Variants in WDR48 observed in about 807,000 individuals in gnomAD.
The protein encoded by WDR48 is WD repeat-containing protein 48.
In WDR48, 22 loss-of-function variants were observed where a neutral mutation model predicts 94.0. The ratio of observed to expected loss-of-function variants is 0.23; its 90% CI spans 0.17 to 0.33. WDR48 has a LOEUF of 0.33. Ranked by LOEUF, WDR48 falls within the 10% of genes least tolerant of loss-of-function variation. WDR48 has a pLI of 1.00. For synonymous variants in WDR48, 278 were observed against 280.5 expected (o/e 0.99, Z 0.09); for missense variants, 541 against 813.8 (o/e 0.66, Z 4.08).
Position 39,094,877 on chromosome 3 carries a change from T to G in WDR48, c.*134T>G. The G allele has an allele frequency of 1.8e-6, 2 of 1,139,382 alleles. No individual in the cohort carries two copies. Among genetic ancestry groups the G allele is most frequent in the Non-Finnish European group, 2.5e-6 (2 of 802,740 alleles). 70.6% of individuals were successfully genotyped at this position (1,139,382 alleles called of 1,614,324 possible). Reference sequence around the variant, plus strand: ...GATTGGTATGGACCGAGATTATCTTTCAATTGAAGTGACTAATCGAGATGT... The same window carrying G: ...GATTGGTATGGACCGAGATTATCTTGCAATTGAAGTGACTAATCGAGATGT... On this transcript the variant is annotated 3_prime_UTR_variant, in exon 19 of 19. Coordinates refer to ENST00000302313, the MANE Select transcript of WDR48 (RefSeq NM_020839.4).
intron 2 of WDR48, among the ~76,000 whole-genome samples, chr3:39,064,825 T>G (rs2033502280): frequency 6.6e-6 from 1 of 152,216 alleles, no homozygotes; most frequent in South Asian, 2.1e-4. Context: ...CATGCAGTGG[T>G]GGCCAAATGT....
chr3:39,088,352 C>T, intron 15 of WDR48, 119 bp downstream of exon 15: 2 of 1,000,338 alleles, frequency 2.0e-6, no homozygotes, highest in Non-Finnish European at 1.5e-6. Context: ...CTAGGGATGC[C>T]AGGGATTGGA....
chr3:39,065,730 T>G lies in WDR48; in HGVS notation c.190-81T>G, dbSNP rs897049567. On this transcript the variant is annotated intron_variant, in intron 2 of 18. Coordinates refer to ENST00000302313, the MANE Select transcript of WDR48 (RefSeq NM_020839.4). ...GCCTAGAGCAGTATGTCACATTAAT[T>G]GAAGAATTTAACCATATCTATCATT... is the stretch of plus-strand genomic sequence containing the variant. 1.2e-5 allele frequency: 13 copies of G among 1,076,368 alleles called. No individual in the cohort carries two copies. The East Asian group carries it at 3.1e-4, about 25-fold the overall frequency. The allele number at this position is 1,076,368 out of a possible 1,614,324, so 66.7% of individuals were successfully genotyped here. A position where few individuals can be genotyped will look rare whatever the true frequency, so the allele number is the denominator to read the frequency against.
rs2033007604 is a variant in WDR48 at position 39,057,998 on chromosome 3, T to C, written c.49-5052T>C. On this transcript the variant is annotated intron_variant, in intron 1 of 18. Coordinates refer to ENST00000302313, the MANE Select transcript of WDR48 (RefSeq NM_020839.4). ...TATTTAATATTTTGAAACATTTTTA[T>C]AATAATGACTATTGTACATTGTTGT... 1.3e-5 allele frequency among the ~76,000 whole-genome samples: 2 copies of C among 152,264 alleles called. 1 individual carries two copies. The highest frequency in any genetic ancestry group is 4.8e-5 in the African/African-American group (2 of 41,466).
intron 1 of WDR48, among the ~76,000 whole-genome samples, chr3:39,054,229 C>T (rs1363539212): frequency 1.3e-5 from 2 of 152,124 alleles, no homozygotes; most frequent in African/African-American, 2.4e-5. Context: ...AAAGCTACTG[C>T]GGGCAATGTC....
At chr3:39,084,852 A>G (rs1242513642) in intron 13 of WDR48, 111 bp downstream of exon 13, 4 of 821,560 alleles carry the variant, frequency 4.9e-6, no homozygotes, top group Non-Finnish European at 7.6e-6. Flanking sequence ...TTTGTTGACT[A>G]TGTCCTAAAA....
At chr3:39,086,667 C>T (rs1015481264) in intron 14 of WDR48, among the ~76,000 whole-genome samples, 2 of 152,322 alleles carry the variant, frequency 1.3e-5, no homozygotes, top group Middle Eastern at 3.4e-3. Context: ...CTGGGGTGGG[C>T]TCTGCTGCTT....
intron 11 of WDR48, 42 bp from the exon 12 acceptor site, chr3:39,084,113 C>A: frequency 6.8e-7 from 1 of 1,461,420 alleles, no homozygotes; most frequent in South Asian, 1.3e-5. Flanking sequence ...CAAGTGAATT[C>A]ACCACTTAAT....
intron 1 of WDR48, among the ~76,000 whole-genome samples, chr3:39,055,140 C>T (rs1465423828): frequency 2.0e-5 from 3 of 152,162 alleles, no homozygotes; most frequent in African/African-American, 7.2e-5. Flanking sequence ...GCCCTGAGCT[C>T]CTTGTCAAGT....
At chr3:39,084,306 A>G (rs1362489316) in intron 12 of WDR48, 44 bp downstream of exon 12, 3 of 1,374,012 alleles carry the variant, frequency 2.2e-6, no homozygotes, top group Non-Finnish European at 3.0e-6. Context: ...ATAATTGAAG[A>G]TTTTCATTAT....
intron 7 of WDR48, among the ~76,000 whole-genome samples, chr3:39,073,330 A>G (rs560478397): frequency 3.3e-4 from 51 of 152,344 alleles, no homozygotes; most frequent in African/African-American, 1.2e-3. Flanking sequence ...TTATTAAACT[A>G]CTGATGCTCC....
chr3:39,088,888 T>C (rs7652735), intron 15 of WDR48, among the ~76,000 whole-genome samples: 2 of 152,238 alleles, frequency 1.3e-5, no homozygotes, highest in African/African-American at 2.4e-5. Flanking sequence ...AGAAATATTC[T>C]GACTTCCACT....
At position 39,078,176 on chromosome 3, in the gene WDR48, T is replaced by A. The variant is rs199552692; in HGVS notation, c.1012T>A (p.Tyr338Asn). The A allele has an allele frequency of 1.5e-4, 248 of 1,612,454 alleles. No homozygotes were observed. Among genetic ancestry groups the A allele is most frequent in the Non-Finnish European group, 2.1e-4 (243 of 1,179,426 alleles). Reference sequence around the variant, plus strand: ...TCATAATTTTAGAGCCTCTGGAGATTATGACAATGACTGTACAAATCCTAT... The same window carrying A: ...TCATAATTTTAGAGCCTCTGGAGATAATGACAATGACTGTACAAATCCTAT... The part of the protein sequence containing the change: ...GIHNFRASGD[Y>N]DNDCTNPITP... The change falls in exon 10 of 19, where the codon TAT becomes AAT. Residue 338 changes from tyrosine (Y) to asparagine (N), a missense_variant. This residue lies in a region of WDR48 where 238 missense variants were observed against 285.3 expected (regional missense o/e 0.83). Transcript: ENST00000302313.
rs1461977163 is a variant in WDR48 at position 39,082,093 on chromosome 3, A to G, written c.1174-2062A>G. Among the ~76,000 whole-genome samples, 3 of 152,146 alleles carry G rather than the reference A, an allele frequency of 2.0e-5. No individual in the cohort carries two copies. The East Asian group carries it at 5.8e-4, about 29-fold the overall frequency. ...GGAACATCTCTAAAATGGTTTCTTC[A>G]TTCCTAAAATGTCGGGGGTGCCTAT... On this transcript the variant is annotated intron_variant, in intron 11 of 18. Transcript: ENST00000302313.
chr3:39,070,954 T>C (rs932412096), intron 7 of WDR48, among the ~76,000 whole-genome samples: 1 of 152,170 alleles, frequency 6.6e-6, no homozygotes, highest in Non-Finnish European at 1.5e-5. Context: ...GTTCTTGCGA[T>C]AGTTTACTGA....
At chr3:39,054,400 T>C (rs1167250995) in intron 1 of WDR48, among the ~76,000 whole-genome samples, 1 of 152,210 alleles carries the variant, frequency 6.6e-6, no homozygotes, top group African/African-American at 2.4e-5. Context: ...ATCTCCCCAG[T>C]TGTGACAACT....
At chr3:39,089,418 A>T in intron 16 of WDR48, 100 bp downstream of exon 16, 1 of 1,104,394 alleles carries the variant, frequency 9.1e-7, no homozygotes, top group East Asian at 2.6e-5. Context: ...AATAAAAGCT[A>T]GACTCCCAAG....
At chr3:39,054,570 C>G (rs919051832) in intron 1 of WDR48, among the ~76,000 whole-genome samples, 6 of 152,194 alleles carry the variant, frequency 3.9e-5, no homozygotes, top group African/African-American at 1.4e-4. Flanking sequence ...CTTGCTTTGT[C>G]AAATTTTTAA....
At chr3:39,086,349 A>G (rs1334908509) in intron 14 of WDR48, 4 of 152,228 alleles carry the variant, frequency 2.6e-5, no homozygotes, top group Non-Finnish European at 4.4e-5. Flanking sequence ...ACTCTGCTGA[A>G]GATTCTCTGC....
Sources: allele counts gnomAD v4.1 joint callset (sites outside exome capture counted in the v4.1 genomes callset), GRCh38; gene constraint gnomAD v4.1.1; regional missense constraint gnomAD v4.1.1; transcripts MANE v1.5; gene names NCBI Gene and HGNC (gene_info 2026-07-23, HGNC 2026-07-21).